Variants in KSR2 observed in about 807,000 individuals in gnomAD.
KSR2 encodes kinase suppressor of ras 2.
Under a neutral mutation model 107.8 loss-of-function variants are expected in KSR2, and 25 were observed. That is an observed-to-expected ratio of 0.23 (90% CI 0.17 to 0.32). The LOEUF (loss-of-function observed/expected upper bound fraction) is 0.32. Among genes scored for constraint, KSR2 ranks in the 10% least tolerant of loss-of-function variants. KSR2 has a pLI of 1.00. For synonymous variants in KSR2, 480 were observed against 507.0 expected, an observed-to-expected ratio of 0.95 and a Z score of 0.71; for missense variants, 887 against 1,268.9, an observed-to-expected ratio of 0.70 and a Z score of 4.57.
chr12:117,633,197 A>G (rs1882892331), intron 5 of KSR2, among the ~76,000 whole-genome samples: 1 of 152,248 alleles, frequency 6.6e-6, no homozygotes, highest in Admixed American at 6.5e-5. Flanking sequence ...ACTATCCTCC[A>G]GTGATGTGGA....
chr12:117,610,374 A>G (rs183292271), intron 5 of KSR2, among the ~76,000 whole-genome samples: 1 of 152,286 alleles, frequency 6.6e-6, no homozygotes, highest in East Asian at 1.9e-4. Flanking sequence ...AAACAACCCA[A>G]ATTTCAAACA....
chr12:117,839,311 C>T (rs1265189532), intron 3 of KSR2, among the ~76,000 whole-genome samples: 2 of 152,210 alleles, frequency 1.3e-5, no homozygotes, highest in Non-Finnish European at 2.9e-5. Context: ...CAAAGTGCTG[C>T]GTTTAGAGTG....
At chr12:117,524,548 C>T (rs529614528) in intron 14 of KSR2, among the ~76,000 whole-genome samples, 4 of 152,122 alleles carry the variant, frequency 2.6e-5, no homozygotes, top group South Asian at 2.1e-4. Context: ...ACACCTGTAG[C>T]GCCAGCTATT....
At chr12:117,941,364 C>T (rs971333060) in intron 1 of KSR2, among the ~76,000 whole-genome samples, 3 of 147,968 alleles carry the variant, frequency 2.0e-5, no homozygotes, top group African/African-American at 5.0e-5. Flanking sequence ...CTTTCTGATG[C>T]CATTTGGGGA....
intron 3 of KSR2, among the ~76,000 whole-genome samples, chr12:117,785,164 C>T (rs1463840125): frequency 6.6e-6 from 1 of 152,122 alleles, no homozygotes; most frequent in Non-Finnish European, 1.5e-5. Context: ...CCTGTAATCC[C>T]AGCCCTTTGG....
intron 1 of KSR2, among the ~76,000 whole-genome samples, chr12:117,880,630 C>T (rs918773369): frequency 1.3e-5 from 2 of 151,488 alleles, no homozygotes; most frequent in East Asian, 1.9e-4. Context: ...AGGCCAAGGA[C>T]GACCCAGAAA....
At chr12:117,565,153 C>T (rs771149832) in intron 7 of KSR2, among the ~76,000 whole-genome samples, 4 of 152,164 alleles carry the variant, frequency 2.6e-5, no homozygotes, top group East Asian at 1.9e-4. Flanking sequence ...CAAATGCTGG[C>T]GTTCACAGGA....
At chr12:117,939,740 G>A (rs900507164) in intron 1 of KSR2, among the ~76,000 whole-genome samples, 7 of 148,976 alleles carry the variant, frequency 4.7e-5, no homozygotes, top group Admixed American at 2.7e-4. Context: ...AAAAAACGAT[G>A]TGAAACGTGG....
chr12:117,522,895 T>C (rs1874857742), intron 14 of KSR2, among the ~76,000 whole-genome samples: 1 of 152,182 alleles, frequency 6.6e-6, no homozygotes, highest in South Asian at 2.1e-4. Flanking sequence ...AGCCCAGAAC[T>C]ATCCATAGGA....
chr12:117,550,793 GT>G (rs1346767934), intron 9 of KSR2, among the ~76,000 whole-genome samples: 1 of 151,946 alleles, frequency 6.6e-6, no homozygotes. Flanking sequence ...CCCATAAAGA[GT>G]AGCTAAGTCA....
chr12:117,953,059 A>T (rs1896411497), intron 1 of KSR2, among the ~76,000 whole-genome samples: 1 of 152,138 alleles, frequency 6.6e-6, no homozygotes, highest in Non-Finnish European at 1.5e-5. Flanking sequence ...CAAAGAAGCT[A>T]TACAGATGGC....
At chr12:117,767,632 A>G (rs998467522) in intron 3 of KSR2, among the ~76,000 whole-genome samples, 1 of 147,576 alleles carries the variant, frequency 6.8e-6, no homozygotes, top group Non-Finnish European at 1.5e-5. Context: ...TAAAAATACT[A>G]AAATTAGCCA....
At chr12:117,848,692 TGAG>T (rs1471242404) in intron 3 of KSR2, among the ~76,000 whole-genome samples, 1 of 146,280 alleles carries the variant, frequency 6.8e-6, no homozygotes, top group Non-Finnish European at 1.5e-5. Flanking sequence ...GAGAGGAGGA[TGAG>T]GAGAAGTGGA....
At chr12:117,919,364 G>A (rs1446912140) in intron 1 of KSR2, among the ~76,000 whole-genome samples, 1 of 152,160 alleles carries the variant, frequency 6.6e-6, no homozygotes, top group Admixed American at 6.5e-5. Flanking sequence ...TTCTGTAGCT[G>A]TCAACTGCTT....
intron 3 of KSR2, among the ~76,000 whole-genome samples, chr12:117,848,841 G>GGTGGTAGTGGTGGTGATGGTGA (rs1892811014): frequency 4.9e-5 from 7 of 141,780 alleles, no homozygotes; most frequent in Non-Finnish European, 9.2e-5. Flanking sequence ...GGTAGTGGTG[G>GGTGGTAGTGGTGGTGATGGTGA]TGATGGTGAT....
chr12:117,914,428 A>C (rs1451131911), intron 1 of KSR2, among the ~76,000 whole-genome samples: 3 of 55,762 alleles, frequency 5.4e-5, no homozygotes, highest in African/African-American at 2.9e-4. Context: ...GACTGTCTCA[A>C]AAAAAAAAAA....
chr12:117,532,910 A>T (rs1288054337), intron 10 of KSR2, among the ~76,000 whole-genome samples: 1 of 152,196 alleles, frequency 6.6e-6, no homozygotes. Context: ...GGGACAAGCC[A>T]CCACTGGAGT....
intron 7 of KSR2, among the ~76,000 whole-genome samples, chr12:117,574,892 G>GAAAAAAAAAA (rs35204005): frequency 8.7e-6 from 1 of 115,350 alleles, no homozygotes. Context: ...TGCTCTGGGT[G>GAAAAAAAAAA]AAAAAAAAAA....
chr12:117,540,774 T>A (rs958625881), intron 9 of KSR2, among the ~76,000 whole-genome samples: 1 of 152,166 alleles, frequency 6.6e-6, no homozygotes, highest in African/African-American at 2.4e-5. Flanking sequence ...ATGGAACAGA[T>A]TGTCCTTCAG....
Sources: gnomAD v4.1 joint callset for allele counts (sites outside exome capture counted in the v4.1 genomes callset) on GRCh38, gnomAD v4.1.1 for gene constraint, MANE v1.5 for transcripts, NCBI Gene and HGNC (gene_info 2026-07-23, HGNC 2026-07-21) for gene names.